The following RAPGEF1 variants were observed in gnomAD, a reference collection of about 807,000 sequenced individuals.
RAPGEF1 encodes the protein Rap guanine nucleotide exchange factor 1.
A neutral mutation model predicts 143.3 loss-of-function variants in RAPGEF1; 33 were observed. The observed-to-expected ratio is 0.23, with a 90% CI of 0.17 to 0.31. The LOEUF is 0.31. Ranked by LOEUF, RAPGEF1 falls within the 10% of genes least tolerant of loss-of-function variation. The pLI, the probability that RAPGEF1 is intolerant of heterozygous loss-of-function variation, is 1.00. For missense variants in RAPGEF1, 1,199 were observed against 1,645.4 expected (o/e 0.73, Z 4.69); for synonymous variants, 629 against 676.5 (o/e 0.93, Z 1.09).
At chr9:131,659,583 G>A (rs1350988817) in intron 1 of RAPGEF1, among the ~76,000 whole-genome samples, 3 of 152,064 alleles carry the variant, frequency 2.0e-5, no homozygotes, top group East Asian at 3.9e-4. Flanking sequence ...CCGAGCCTCC[G>A]GTTCCTCACC....
intron 1 of RAPGEF1, among the ~76,000 whole-genome samples, chr9:131,721,706 CAA>C (rs111325703): frequency 7.2e-6 from 1 of 138,980 alleles, no homozygotes; most frequent in Admixed American, 7.1e-5. Flanking sequence ...CAACCTCAGG[CAA>C]AAAAAAAAAA....
intron 1 of RAPGEF1, among the ~76,000 whole-genome samples, chr9:131,700,435 C>A (rs1834544121): frequency 6.6e-6 from 1 of 152,186 alleles, no homozygotes; most frequent in African/African-American, 2.4e-5. Context: ...TACCTGTCAT[C>A]CAAAAGCCTA....
At chr9:131,710,200 C>A (rs1835411119) in intron 1 of RAPGEF1, among the ~76,000 whole-genome samples, 1 of 152,168 alleles carries the variant, frequency 6.6e-6, no homozygotes, top group Non-Finnish European at 1.5e-5. Context: ...GACCAGTGTG[C>A]ACCACGTAAC....
At chr9:131,652,185 A>T (rs1393290647) in intron 1 of RAPGEF1, among the ~76,000 whole-genome samples, 1 of 152,236 alleles carries the variant, frequency 6.6e-6, no homozygotes, top group Non-Finnish European at 1.5e-5. Context: ...TTCTTTCTTC[A>T]GTAAGTTAAC....
intron 3 of RAPGEF1, among the ~76,000 whole-genome samples, chr9:131,643,995 C>T (rs972427145): frequency 3.3e-5 from 5 of 152,098 alleles, no homozygotes; most frequent in African/African-American, 9.7e-5. Flanking sequence ...CTGGAAGCTC[C>T]CAGGGCTAGA....
At chr9:131,580,439 C>T (rs754875113) in intron 25 of RAPGEF1, 48 bp from the exon 26 acceptor site, 8 of 1,594,758 alleles carry the variant, frequency 5.0e-6, no homozygotes, top group Admixed American at 1.7e-5. Context: ...GGTTTGGAAG[C>T]AGCAAGGGCT....
chr9:131,737,298 CCT>C (rs1837481035), intron 1 of RAPGEF1: 1 of 1,566,640 alleles, frequency 6.4e-7, no homozygotes, highest in Non-Finnish European at 8.8e-7. Flanking sequence ...CCTCTTTCTC[CCT>C]GTCTCCACCA....
chr9:131,608,728 T>TCACCATGAA (rs1167683858), intron 12 of RAPGEF1, among the ~76,000 whole-genome samples: 1 of 152,178 alleles, frequency 6.6e-6, no homozygotes, highest in Non-Finnish European at 1.5e-5. Context: ...AACCTTCTGA[T>TCACCATGAA]CACCATGAAG....
intron 1 of RAPGEF1, among the ~76,000 whole-genome samples, chr9:131,663,459 T>TTTC (rs1829924037): frequency 6.6e-6 from 1 of 151,904 alleles, no homozygotes; most frequent in African/African-American, 2.4e-5. Flanking sequence ...ATAGCTTTTT[T>TTTC]TTTTTTTTTT....
chr9:131,581,218 A>G (rs992253786), intron 25 of RAPGEF1, among the ~76,000 whole-genome samples: 3 of 151,706 alleles, frequency 2.0e-5, no homozygotes, highest in Non-Finnish European at 4.4e-5. Flanking sequence ...ACATAGCAAG[A>G]CCTCGTCCCT....
chr9:131,701,543 A>T (rs1462869900), intron 1 of RAPGEF1, among the ~76,000 whole-genome samples: 1 of 152,256 alleles, frequency 6.6e-6, no homozygotes, highest in Non-Finnish European at 1.5e-5. Flanking sequence ...GTAATACTGT[A>T]TCCCAATATG....
intron 1 of RAPGEF1, among the ~76,000 whole-genome samples, chr9:131,653,370 A>G (rs968247363): frequency 1.3e-5 from 2 of 152,240 alleles, no homozygotes; most frequent in Admixed American, 6.5e-5. Context: ...CTGAATCAGC[A>G]GAGGCTGCAG....
chr9:131,711,967 C>T lies in RAPGEF1; in HGVS notation c.61+27803G>A, dbSNP rs79454234. 3.9e-5 allele frequency among the ~76,000 whole-genome samples: 6 copies of T among 152,320 alleles called. No homozygotes were observed. The East Asian group carries it at 9.6e-4, about 24-fold the overall frequency. ...AATAATCTTTCCAATTTATGCAAAA[C>T]AGACAAAAACCAAAATCCAAATCTC... On this transcript the variant is annotated intron_variant, in intron 1 of 26. Transcript: ENST00000683357.
rs143188990 is a variant in RAPGEF1, at chr9:131,665,468, C to T, written c.62-14519G>A. 9.9e-5 allele frequency among the ~76,000 whole-genome samples: 15 copies of T among 152,250 alleles called. No homozygotes were observed. The East Asian group carries it at 2.1e-3, about 22-fold the overall frequency. ...TCTTTATTCCTCAAATGGACGACCGCGATGGCTTTCTAACTGTCCCCTGCT... is the reference window on the plus strand; with the variant it reads ...TCTTTATTCCTCAAATGGACGACCGTGATGGCTTTCTAACTGTCCCCTGCT... On this transcript the variant is annotated intron_variant, in intron 1 of 26. Transcript: ENST00000683357.
chr9:131,581,590 T>G (rs1288060025), intron 25 of RAPGEF1, among the ~76,000 whole-genome samples: 1 of 151,684 alleles, frequency 6.6e-6, no homozygotes, highest in Admixed American at 6.6e-5. Context: ...TCCCATCGAC[T>G]ACTCAGGAGG....
At chr9:131,681,307 G>A (rs946879007) in intron 1 of RAPGEF1, among the ~76,000 whole-genome samples, 2 of 152,060 alleles carry the variant, frequency 1.3e-5, no homozygotes, top group Non-Finnish European at 2.9e-5. Flanking sequence ...GCAGCACCTC[G>A]AGCGACCACT....
At chr9:131,630,164 C>G in intron 6 of RAPGEF1, 72 bp downstream of exon 6, 14 of 1,347,758 alleles carry the variant, frequency 1.0e-5, no homozygotes, top group Non-Finnish European at 1.3e-5. Flanking sequence ...CCCCACCGGG[C>G]CCTATCCTTG....
intron 12 of RAPGEF1, among the ~76,000 whole-genome samples, chr9:131,615,789 C>T (rs1021735499): frequency 3.3e-5 from 5 of 152,140 alleles, no homozygotes; most frequent in Admixed American, 1.3e-4. Flanking sequence ...CTAAAAATCC[C>T]GACTGCCCTT....
chr9:131,735,320 C>A (rs1043859107), intron 1 of RAPGEF1, among the ~76,000 whole-genome samples: 2 of 152,236 alleles, frequency 1.3e-5, no homozygotes, highest in Non-Finnish European at 2.9e-5. Context: ...TCCCCTACCC[C>A]ACTGCCTGTG....
Sources: allele counts gnomAD v4.1 joint callset (sites outside exome capture counted in the v4.1 genomes callset), GRCh38; gene constraint gnomAD v4.1.1; transcripts MANE v1.5; gene names NCBI Gene and HGNC (gene_info 2026-07-23, HGNC 2026-07-21).